The following CDK12 variants were observed in gnomAD, a reference collection of about 807,000 sequenced individuals.
The protein encoded by CDK12 is cyclin-dependent kinase 12.
In CDK12, 17 loss-of-function variants were observed where a neutral mutation model predicts 133.8. That is an observed-to-expected ratio of 0.13 (90% CI 0.09 to 0.19). The LOEUF (loss-of-function observed/expected upper bound fraction) is 0.19. Among genes scored for constraint, CDK12 ranks in the 10% least tolerant of loss-of-function variants. CDK12 has a pLI of 1.00. For missense variants in CDK12, 1,508 were observed against 1,818.7 expected, an observed-to-expected ratio of 0.83 and a Z score of 3.11; for synonymous variants, 694 against 683.6, an observed-to-expected ratio of 1.02 and a Z score of -0.24.
At chr17:39,491,032 T>G (rs544638752) in intron 3 of CDK12, among the ~76,000 whole-genome samples, 61 of 152,124 alleles carry the variant, frequency 4.0e-4, no homozygotes, top group Non-Finnish European at 7.8e-4. Context: ...TAAGGAAGAA[T>G]AAAAGCTTTT....
At chr17:39,492,242 G>A (rs952237454) in intron 3 of CDK12, among the ~76,000 whole-genome samples, 16 of 150,412 alleles carry the variant, frequency 1.1e-4, no homozygotes, top group South Asian at 2.1e-4. Flanking sequence ...GACTACAGGC[G>A]CCTGCCACCA....
At chr17:39,488,025 G>A (rs1301644159) in intron 2 of CDK12, among the ~76,000 whole-genome samples, 1 of 152,056 alleles carries the variant, frequency 6.6e-6, no homozygotes, top group Non-Finnish European at 1.5e-5. Context: ...GGGAGGTCCA[G>A]GATTTTGTGA....
downstream of CDK12, among the ~76,000 whole-genome samples, chr17:39,539,212 A>G (rs2055298242): frequency 6.6e-6 from 1 of 152,212 alleles, no homozygotes; most frequent in Non-Finnish European, 1.5e-5. Flanking sequence ...ATTGATTTTC[A>G]TTTTGGAAAA....
rs536586809 is a variant in CDK12 at position 39,502,553 on chromosome 17, A to T, written c.2609+1114A>T. Reference sequence around the variant, plus strand: ...GTAGAATAACCAATCTTGCATGGTTACCTGGGACTGTCCTGGTTTTAGCAG... The same window carrying T: ...GTAGAATAACCAATCTTGCATGGTTTCCTGGGACTGTCCTGGTTTTAGCAG... On this transcript the variant is annotated intron_variant, in intron 6 of 13. Coordinates refer to ENST00000447079, the MANE Select transcript of CDK12 (RefSeq NM_016507.4). Among the ~76,000 whole-genome samples the T allele has an allele frequency of 9.2e-5, 14 of 152,358 alleles. No homozygotes were observed. The South Asian group carries it at 2.9e-3, about 32-fold the overall frequency.
chr17:39,488,460 G>A (rs67966109), intron 2 of CDK12, among the ~76,000 whole-genome samples: 15,815 of 151,950 alleles, frequency 0.1, 895 homozygotes, highest in African/African-American at 0.15. Flanking sequence ...TGAAGTGAAC[G>A]GAATGATTCA....
intron 1 of CDK12, among the ~76,000 whole-genome samples, chr17:39,541,362 CT>C (rs201866427): frequency 0.012 from 1,698 of 136,596 alleles, 18 homozygotes; most frequent in African/African-American, 0.052. Flanking sequence ...GAGTTTGGCT[CT>C]TTTTTTTTTT....
intron 1 of CDK12, among the ~76,000 whole-genome samples, chr17:39,469,993 A>T (rs1021973666): frequency 1.3e-5 from 2 of 152,184 alleles, no homozygotes; most frequent in African/African-American, 4.8e-5. Context: ...CAAAATTCTG[A>T]AAGTAATCAT....
intron 3 of CDK12, among the ~76,000 whole-genome samples, chr17:39,557,972 C>T (rs540250594): frequency 3.2e-4 from 49 of 152,268 alleles, no homozygotes; most frequent in Admixed American, 1.3e-3. Context: ...GTGAGAATTT[C>T]GTGAAATAAT....
intron 3 of CDK12, among the ~76,000 whole-genome samples, chr17:39,491,872 T>C (rs1346451212): frequency 6.6e-6 from 1 of 151,204 alleles, no homozygotes; most frequent in Admixed American, 6.6e-5. Context: ...CTCACGCTTG[T>C]AATCCCAGCA....
At chr17:39,542,106 T>C (rs1469812453) in intron 1 of CDK12, among the ~76,000 whole-genome samples, 1 of 151,848 alleles carries the variant, frequency 6.6e-6, no homozygotes, top group Non-Finnish European at 1.5e-5. Flanking sequence ...AGAGAGAGAT[T>C]GAGGGGGAAA....
intron 1 of CDK12, 61 bp from the exon 2 acceptor site, chr17:39,470,818 C>G: frequency 7.7e-7 from 1 of 1,303,344 alleles, no homozygotes; most frequent in Non-Finnish European, 1.1e-6. Flanking sequence ...TTTTATTGAT[C>G]TGTTTTCCTC....
downstream of CDK12, among the ~76,000 whole-genome samples, chr17:39,536,514 GCTTCCCC>G (rs2055141747): frequency 6.6e-6 from 1 of 152,114 alleles, no homozygotes; most frequent in Non-Finnish European, 1.5e-5. Flanking sequence ...CTGTCTTCCT[GCTTCCCC>G]TCTTTCAACC....
At chr17:39,527,395 A>G (rs2054559164) in intron 13 of CDK12, among the ~76,000 whole-genome samples, 1 of 152,202 alleles carries the variant, frequency 6.6e-6, no homozygotes, top group Non-Finnish European at 1.5e-5. Flanking sequence ...CTATTTGGCC[A>G]TTTCACTGTT....
chr17:39,530,752 A>C lies in CDK12; in HGVS notation c.3909A>C (p.Gln1303His). Residue 1303 changes from glutamine (Q) to histidine (H), a missense_variant, in exon 14 of 14, where the codon CAA (glutamine) becomes CAC (histidine). Physicochemically the swap from Gln to His is conservative, Grantham distance 24. Around this residue, in one of 9 missense-constraint regions of CDK12, gnomAD observed 399 missense variants for 469.6 expected, o/e 0.85. Coordinates refer to ENST00000447079, the MANE Select transcript of CDK12 (RefSeq NM_016507.4). ...LNPAVTAALL[Q>H]LLSQPEAEPP... ...CAGCCGTGACAGCCGCCTTGCTGCA[A>C]CTTTTATCCCAGCCTGAAGCAGAGC... 6.2e-7 allele frequency: 1 copy of C among 1,614,022 alleles called. No homozygotes were observed. Among genetic ancestry groups the C allele is most frequent in the African/African-American group, 1.3e-5 (1 of 74,974 alleles).
chr17:39,556,883 T>C (rs2056184213), intron 3 of CDK12: 1 of 152,114 alleles, frequency 6.6e-6, no homozygotes, highest in Non-Finnish European at 1.5e-5. Context: ...CCTGCTGCCC[T>C]CCTGGCTCTC....
chr17:39,510,126 T>C (rs1341362970), intron 7 of CDK12, among the ~76,000 whole-genome samples: 1 of 148,530 alleles, frequency 6.7e-6, no homozygotes, highest in African/African-American at 2.5e-5. Context: ...TTTTTTTTTT[T>C]TTTTTTTTTT....
chr17:39,530,645 G>A lies in CDK12; in HGVS notation c.3802G>A (p.Glu1268Lys), dbSNP rs1295653301. The A allele has an allele frequency of 6.2e-7, 1 of 1,606,268 alleles. No individual in the cohort carries two copies. Among genetic ancestry groups the A allele is most frequent in the Non-Finnish European group, 8.5e-7 (1 of 1,174,874 alleles). Reference sequence around the variant, plus strand: ...TCTTCCACCAGAGAAGAGGCCCCCTGAGCCCCCCGGACCTCCACCGCCGCC... The same window carrying A: ...TCTTCCACCAGAGAAGAGGCCCCCTAAGCCCCCCGGACCTCCACCGCCGCC... ...HILPPEKRPP[E>K]PPGPPPPPPP... The change falls in exon 14 of 14, where the codon GAG becomes AAG. Residue 1268 changes from glutamate (E) to lysine (K), a missense_variant. By Grantham distance (56) the Glu-to-Lys change is moderately conservative (BLOSUM62 1). Transcript: ENST00000447079.
At chr17:39,498,092 C>T (rs1434605409) in intron 5 of CDK12, among the ~76,000 whole-genome samples, 2 of 151,922 alleles carry the variant, frequency 1.3e-5, no homozygotes, top group Non-Finnish European at 2.9e-5. Flanking sequence ...TAACTGAACT[C>T]CTGGGTTCAA....
chr17:39,539,811 AG>A (rs578099127), intron 1 of CDK12, among the ~76,000 whole-genome samples: 1 of 152,226 alleles, frequency 6.6e-6, no homozygotes, highest in Non-Finnish European at 1.5e-5. Flanking sequence ...TAAAGAAGAT[AG>A]GGGACATAGA....
Sources: gnomAD v4.1 joint callset for allele counts (sites outside exome capture counted in the v4.1 genomes callset) on GRCh38, gnomAD v4.1.1 for gene constraint, gnomAD v4.1.1 regional missense constraint, MANE v1.5 for transcripts, NCBI Gene and HGNC (gene_info 2026-07-23, HGNC 2026-07-21) for gene names.